MYH7: variants seen among roughly 807,000 people sequenced by gnomAD.
MYH7 encodes myosin heavy chain 7, also known as myosin-7.
A neutral mutation model predicts 225.4 loss-of-function variants in MYH7; 129 were observed. The ratio of observed to expected loss-of-function variants is 0.57; its 90% CI spans 0.50 to 0.66. MYH7 has a LOEUF of 0.66. Among genes scored for constraint, MYH7 ranks in the 30% least tolerant of loss-of-function variants. The probability of loss-of-function intolerance (pLI) is 0.00; values close to 1 mark genes in which losing one functional copy is unlikely to be tolerated. For missense variants in MYH7, 1,649 were observed against 2,517.0 expected (o/e 0.66, Z 7.38); for synonymous variants, 971 against 1,007.6 (o/e 0.96, Z 0.69).
In MYH7 at chr14:23,428,629, C is replaced by A. The variant is rs1892794938; in HGVS notation, c.1449G>T (p.Glu483Asp). ...FEQLCINFTN[E>D]KLQQFFNHHM... ...GGTGGTTGAAGAACTGCTGCAGCTT[C>A]TCGTTGGTGAAGTTGATGCAGAGCT... The change falls in exon 15 of 40, where the codon GAG becomes GAT. Residue 483 changes from glutamate (E) to aspartate (D), a missense_variant. Coordinates refer to ENST00000355349, the MANE Select transcript of MYH7 (RefSeq NM_000257.4). The A allele has an allele frequency of 6.2e-7, 1 of 1,614,186 alleles. No individual in the cohort carries two copies. The highest frequency in any genetic ancestry group is 8.5e-7 in the Non-Finnish European group (1 of 1,180,020).
At chr14:23,430,454 AC>A in intron 11 of MYH7, 105 bp downstream of exon 11, 1 of 893,420 alleles carries the variant, frequency 1.1e-6, no homozygotes. Flanking sequence ...GGAGGTCCAT[AC>A]CACTTTAAAC....
At chr14:23,424,700 G>A in intron 22 of MYH7, 69 bp downstream of exon 22, 1 of 1,607,830 alleles carries the variant, frequency 6.2e-7, no homozygotes, top group South Asian at 1.1e-5. Flanking sequence ...CCTGTGCAGG[G>A]AGGTGCAGGG....
chr14:23,417,649 C>A lies in MYH7; in HGVS notation c.4207G>T (p.Ala1403Ser), dbSNP rs2138646882. ...CACTTGGCATTAACAGCCTCCACGG[C>A]CTCCTCAGCTTCCTGCAGCCGCTGG... ...LAQRLQEAEE[A>S]VEAVNAKCSS... is the part of the protein sequence containing the mutation. Residue 1403 changes from alanine to serine, a missense_variant, in exon 31 of 40, where the codon GCC (alanine) becomes TCC (serine). Ala to Ser is a moderately conservative substitution (Grantham distance 99, BLOSUM62 1). Around this residue, in one of 12 missense-constraint regions of MYH7, gnomAD observed 687 missense variants for 913.8 expected, o/e 0.75. Transcript: ENST00000355349. The A allele has an allele frequency of 6.2e-7, 1 of 1,613,078 alleles. No individual in the cohort carries two copies. The highest frequency in any genetic ancestry group is 8.5e-7 in the Non-Finnish European group (1 of 1,180,050).
chr14:23,414,288 G>A (rs538172936), intron 37 of MYH7, among the ~76,000 whole-genome samples, 186 bp from the exon 38 acceptor site: 1 of 152,248 alleles, frequency 6.6e-6, no homozygotes, highest in South Asian at 2.1e-4. Context: ...TCTGTACCAG[G>A]AAAGAGTCCA....
rs868727135 is a variant in MYH7, at chr14:23,425,603, G to A, written c.2286+92C>T. 1 of 1,604,934 alleles carries A rather than the reference G, an allele frequency of 6.2e-7. No homozygotes were observed. Among genetic ancestry groups the A allele is most frequent in the Non-Finnish European group, 8.5e-7 (1 of 1,174,702 alleles). On this transcript the variant is annotated intron_variant, in intron 20 of 39. Coordinates refer to ENST00000355349, the MANE Select transcript of MYH7 (RefSeq NM_000257.4). The surrounding 1 kb of genome is among the most constrained non-coding windows in gnomAD (Gnocchi z 4.6). ...TGGGAGGGGTAGCATACAGGTAAGA[G>A]ATTTTGCTAAGATGATTACAACAGG...
chr14:23,418,379 G>T lies in MYH7; in HGVS notation c.4000C>A (p.Gln1334Lys). ...KAKNALAHAL[Q>K]SARHDCDLLR... ...AGGTCGCAGTCATGCCGGGCCGACT[G>T]CAGTGCGTGGGCCAGGGCGTTCTTC... Residue 1334 changes from glutamine to lysine, a missense_variant, in exon 30 of 40, where the codon CAG becomes AAG. By Grantham distance (53) the Gln-to-Lys change is moderately conservative. Around this residue, in one of 12 missense-constraint regions of MYH7, gnomAD observed 687 missense variants for 913.8 expected, o/e 0.75. Transcript: ENST00000355349. The T allele has an allele frequency of 6.2e-7, 1 of 1,612,744 alleles. No individual in the cohort carries two copies. The highest frequency in any genetic ancestry group is 8.5e-7 in the Non-Finnish European group (1 of 1,179,204).
In MYH7 at chr14:23,424,788, A is replaced by C. The variant is rs730880752; in HGVS notation, c.2660T>G (p.Leu887Arg). ...MVSLLQEKND[L>R]QLQVQAEQDN... ...CCTCACCGCCTGCACTTGGAGCTGC[A>C]GGTCATTCTTCTCCTGCAGCAGGGA... is the stretch of plus-strand genomic sequence containing the variant. Residue 887 changes from leucine (L) to arginine (R), a missense_variant, in exon 22 of 40, where the codon CTG becomes CGG. Physicochemically the swap from Leu to Arg is moderately radical, Grantham distance 102 (BLOSUM62 -2). This residue lies in a region of MYH7 where 282 missense variants were observed against 315.3 expected (regional missense o/e 0.89). Coordinates refer to ENST00000355349, the MANE Select transcript of MYH7 (RefSeq NM_000257.4). 6.2e-7 allele frequency: 1 copy of C among 1,614,184 alleles called. No homozygotes were observed.
intron 29 of MYH7, 150 bp downstream of exon 29, chr14:23,419,027 G>A: frequency 1.3e-6 from 1 of 787,834 alleles, no homozygotes; most frequent in Non-Finnish European, 2.2e-6. Context: ...TAGATGGCAT[G>A]TGGCAGGGTT....
At chr14:23,413,702 T>C in intron 39 of MYH7, 57 bp downstream of exon 39, 6 of 1,611,248 alleles carry the variant, frequency 3.7e-6, no homozygotes, top group Non-Finnish European at 5.1e-6. Flanking sequence ...TTGAGGGTGC[T>C]CTGTCTGGGT....
At chr14:23,426,432 A>G (rs1407111107) in intron 18 of MYH7, among the ~76,000 whole-genome samples, 1 of 152,206 alleles carries the variant, frequency 6.6e-6, no homozygotes, top group Non-Finnish European at 1.5e-5. Context: ...AATTAGCCAA[A>G]AATGGATTAA....
intron 11 of MYH7, 48 bp from the exon 12 acceptor site, chr14:23,429,961 G>T: frequency 6.2e-7 from 1 of 1,608,282 alleles, no homozygotes; most frequent in South Asian, 1.1e-5. Context: ...GAAGTATGAT[G>T]GGTAAGTGAG....
At chr14:23,419,705 T>G (rs1370960706) in intron 27 of MYH7, 96 bp from the exon 28 acceptor site, 3 of 1,608,468 alleles carry the variant, frequency 1.9e-6, no homozygotes, top group African/African-American at 2.7e-5. Context: ...AGAGGGAAGG[T>G]GTGAAAAGAA....
intron 33 of MYH7, 37 bp from the exon 34 acceptor site, chr14:23,416,349 G>C: frequency 6.2e-7 from 1 of 1,604,150 alleles, no homozygotes; most frequent in Non-Finnish European, 8.5e-7. Context: ...CAGGCAGACA[G>C]TCAGGGCACA....
At chr14:23,413,142 A>C (rs907649728) in intron 39 of MYH7, among the ~76,000 whole-genome samples, 1 of 152,108 alleles carries the variant, frequency 6.6e-6, no homozygotes, top group Non-Finnish European at 1.5e-5. Flanking sequence ...TTTAGGTTTG[A>C]GTTACAAGAT....
At position 23,428,948 on chromosome 14, in the gene MYH7, A is replaced by T. The variant is rs1026185796; in HGVS notation, c.1407+7T>A. The T allele has an allele frequency of 7.4e-6, 12 of 1,614,184 alleles. No individual in the cohort carries two copies. The highest frequency in any genetic ancestry group is 9.3e-6 in the Non-Finnish European group (11 of 1,180,046). On this transcript the variant is annotated splice_region_variant and intron_variant, in intron 14 of 39. Coordinates refer to ENST00000355349, the MANE Select transcript of MYH7 (RefSeq NM_000257.4). ...TTGTTCTCCCACTCCCAGGGGTCCC[A>T]ACTCACATCGAAGATCTCGAAGCCA...
chr14:23,418,554 G>A, intron 29 of MYH7, 148 bp from the exon 30 acceptor site: 1 of 1,040,134 alleles, frequency 9.6e-7, no homozygotes, highest in Non-Finnish European at 1.4e-6. Flanking sequence ...TTTACTGTTT[G>A]CTGATAACAA....
At chr14:23,419,380 CTG>C in intron 28 of MYH7, 85 bp from the exon 29 acceptor site, 1 of 1,612,490 alleles carries the variant, frequency 6.2e-7, no homozygotes, top group South Asian at 1.1e-5. Context: ...TGGAGAGACT[CTG>C]TGTCTGTGTG....
chr14:23,427,135 G>T, intron 17 of MYH7, 105 bp downstream of exon 17: 1 of 1,048,948 alleles, frequency 9.5e-7, no homozygotes, highest in Non-Finnish European at 1.4e-6. Flanking sequence ...GCACCAAGGA[G>T]ACAGGGAACG....
At position 23,416,924 on chromosome 14, in the gene MYH7, G is replaced by A. The variant is rs397516225; in HGVS notation, c.4588C>T (p.Arg1530Ter). Residue 1530 changes from arginine (R) to a stop codon, truncating the protein, a stop_gained, in exon 33 of 40, where the codon CGA (arginine) becomes TGA (stop). Transcript: ENST00000355349. LOFTEE classifies it high-confidence loss of function. ...ATCTTCTCGGCCTCCAGCTGCTTTC[G>A]GACCTTCTCCAGCTCATGGATAGTC... Reference protein sequence around the residue: ...GKTIHELEKVRKQLEAEKMEL... With the variant: ...GKTIHELEKV 8.7e-6 allele frequency: 14 copies of A among 1,614,062 alleles called. No individual in the cohort carries two copies. Among genetic ancestry groups the A allele is most frequent in the Admixed American group, 3.3e-5 (2 of 60,000 alleles).
Sources: gnomAD v4.1 joint callset for allele counts (sites outside exome capture counted in the v4.1 genomes callset) on GRCh38, gnomAD v4.1.1 for gene constraint, gnomAD v4.1.1 regional missense constraint, Gnocchi (gnomAD v3.1) non-coding constraint, MANE v1.5 for transcripts, NCBI Gene and HGNC (gene_info 2026-07-23, HGNC 2026-07-21) for gene names.